Variants in SMG6 observed in about 807,000 individuals in gnomAD.
SMG6 encodes the protein SMG6 nonsense mediated mRNA decay factor, also known as telomerase-binding protein EST1A.
In SMG6, 66 loss-of-function variants were observed where a neutral mutation model predicts 142.2. The ratio of observed to expected loss-of-function variants is 0.46; its 90% CI spans 0.38 to 0.57. The LOEUF (loss-of-function observed/expected upper bound fraction) is 0.57. SMG6 is among the 20% of genes least tolerant of loss of function. The pLI is 0.00. For missense variants in SMG6, 1,793 were observed against 1,832.0 expected, an observed-to-expected ratio of 0.98 and a Z score of 0.39; for synonymous variants, 779 against 702.4, an observed-to-expected ratio of 1.11 and a Z score of -1.72.
At chr17:2,090,410 C>T (rs945510431) in intron 13 of SMG6, among the ~76,000 whole-genome samples, 4 of 152,006 alleles carry the variant, frequency 2.6e-5, no homozygotes, top group African/African-American at 9.7e-5. Context: ...CTCTGAGTTG[C>T]AAGACTTAAC....
rs1459476073 is a variant in SMG6, at chr17:2,300,264, C to T, written c.489G>A (p.Val163=). The T allele has an allele frequency of 1.2e-6, 2 of 1,614,042 alleles. No homozygotes were observed. The highest frequency in any genetic ancestry group is 2.2e-5 in the East Asian group (1 of 44,904). The change falls in exon 2 of 19, where the codon GTG becomes GTA. Residue 163 remains valine, a synonymous_variant. Coordinates refer to ENST00000263073, the MANE Select transcript of SMG6 (RefSeq NM_017575.5). Reference sequence around the variant, plus strand: ...CCTGGTTGAGGACTTCTTCCTCCTCCACCCGACTGGCGGATTCTTTGCTAA... The same window carrying T: ...CCTGGTTGAGGACTTCTTCCTCCTCTACCCGACTGGCGGATTCTTTGCTAA... ...QTVSKESASR[V]EEEEVLNQVE... is the part of the protein sequence containing the mutation.
chr17:2,166,726 TG>T (rs2071348851), intron 13 of SMG6, among the ~76,000 whole-genome samples: 1 of 152,246 alleles, frequency 6.6e-6, no homozygotes, highest in South Asian at 2.1e-4. Flanking sequence ...CCTAAAGTGC[TG>T]GGATGACAGG....
chr17:2,168,936 C>T (rs547322800), intron 13 of SMG6, among the ~76,000 whole-genome samples: 9 of 150,694 alleles, frequency 6.0e-5, no homozygotes, highest in Non-Finnish European at 1.0e-4. Flanking sequence ...TTAGTAGAGA[C>T]GGGGTTTCAC....
chr17:2,096,883 C>T (rs1021250796), intron 13 of SMG6, among the ~76,000 whole-genome samples: 2 of 152,216 alleles, frequency 1.3e-5, no homozygotes, highest in Non-Finnish European at 2.9e-5. Context: ...CCTCCAGCAA[C>T]TATGGACTAG....
chr17:2,177,778 T>C (rs1204802059), intron 12 of SMG6, among the ~76,000 whole-genome samples: 1 of 152,202 alleles, frequency 6.6e-6, no homozygotes, highest in East Asian at 1.9e-4. Context: ...ACAGCCAAGA[T>C]GGCACAGAAG....
At chr17:2,155,165 G>A (rs2151609684) in intron 13 of SMG6, among the ~76,000 whole-genome samples, 1 of 151,484 alleles carries the variant, frequency 6.6e-6, no homozygotes, top group Middle Eastern at 3.4e-3. Flanking sequence ...TGATTCTCCT[G>A]CCTTAGCACC....
intron 16 of SMG6, among the ~76,000 whole-genome samples, chr17:2,067,053 C>T (rs994605000): frequency 1.3e-5 from 2 of 152,184 alleles, no homozygotes; most frequent in African/African-American, 4.8e-5. Flanking sequence ...CCTCCTCTTA[C>T]AGCCTCTGGG....
At chr17:2,069,066 G>A (rs1365918011) in intron 15 of SMG6, 135 bp from the exon 16 acceptor site, 21 of 848,146 alleles carry the variant, frequency 2.5e-5, no homozygotes, top group Non-Finnish European at 3.1e-5. Flanking sequence ...ACCAGTCCCC[G>A]TCGGGTCTCA....
At chr17:2,064,360 G>A (rs894416656) in intron 18 of SMG6, among the ~76,000 whole-genome samples, 9 of 152,130 alleles carry the variant, frequency 5.9e-5, no homozygotes, top group Non-Finnish European at 1.2e-4. Flanking sequence ...GGCCAGCTCA[G>A]GGTTGAGGGT....
At chr17:2,078,224 G>A (rs934005932) in intron 15 of SMG6, among the ~76,000 whole-genome samples, 2 of 152,140 alleles carry the variant, frequency 1.3e-5, no homozygotes, top group African/African-American at 4.8e-5. Flanking sequence ...GCAACTACTT[G>A]ACCTAGAATA....
intron 6 of SMG6, among the ~76,000 whole-genome samples, chr17:2,287,874 G>A (rs1274779467): frequency 2.0e-5 from 3 of 152,184 alleles, no homozygotes; most frequent in Non-Finnish European, 4.4e-5. Context: ...AAAGCAGAAG[G>A]TTAGTTGCAG....
chr17:2,098,908 GGC>G (rs2068931882), intron 13 of SMG6, among the ~76,000 whole-genome samples: 1 of 152,186 alleles, frequency 6.6e-6, no homozygotes, highest in Admixed American at 6.5e-5. Flanking sequence ...TGGAATTACA[GGC>G]GTGAGCCACC....
Position 2,061,601 on chromosome 17 carries a change from C to A in SMG6, c.4151G>T (p.Arg1384Leu), listed in dbSNP as rs867472768. Residue 1384 changes from arginine (R) to leucine (L), a missense_variant, in exon 19 of 19, where the codon CGG becomes CTG. This residue lies in a region of SMG6 where 179 missense variants were observed against 212.6 expected (regional missense o/e 0.84). Coordinates refer to ENST00000263073, the MANE Select transcript of SMG6 (RefSeq NM_017575.5). ...ASKEEPIRLLREVVLLTDDRN... is the reference protein window; with the variant it reads ...ASKEEPIRLLLEVVLLTDDRN... ...GTCATCCGTCAACAGCACCACCTCC[C>A]GCAGTAGCCGGATTGGCTCCTCTGT... is the stretch of plus-strand genomic sequence containing the variant. 1 of 1,571,932 alleles carries A rather than the reference C, an allele frequency of 6.4e-7. No individual in the cohort carries two copies. The highest frequency in any genetic ancestry group is 2.4e-5 in the East Asian group (1 of 42,244).
intron 13 of SMG6, among the ~76,000 whole-genome samples, chr17:2,134,349 C>A (rs775234139): frequency 8.0e-5 from 10 of 125,740 alleles, no homozygotes; most frequent in Non-Finnish European, 1.4e-4. Context: ...ACCCAAGAGG[C>A]GAAGGTTGCA....
Position 2,299,396 on chromosome 17 carries a change from G to T in SMG6, c.1357C>A (p.Arg453Ser). Residue 453 changes from arginine (R) to serine (S), a missense_variant, in exon 2 of 19, where the codon CGC (arginine) becomes AGC (serine). Arg to Ser is a moderately radical substitution (Grantham distance 110). Coordinates refer to ENST00000263073, the MANE Select transcript of SMG6 (RefSeq NM_017575.5). This position sits in a 1 kb window ranked among gnomAD's most constrained non-coding sequence, Gnocchi z 4.3. ...SRSWGRGGTT[R>S]RLWDPNNPDQ... The stretch of plus-strand genomic sequence containing the variant: ...GGATTGTTTGGGTCCCACAATCGGC[G>T]TGTGGTGCCTCCACGGCCCCAACTC... 1 of 1,613,904 alleles carries T rather than the reference G, an allele frequency of 6.2e-7. No individual in the cohort carries two copies. Among genetic ancestry groups the T allele is most frequent in the Non-Finnish European group, 8.5e-7 (1 of 1,180,026 alleles).
chr17:2,181,537 G>A (rs72817578), intron 12 of SMG6, among the ~76,000 whole-genome samples: 28 of 152,358 alleles, frequency 1.8e-4, no homozygotes, highest in Non-Finnish European at 3.1e-4. Flanking sequence ...CTGGCTTCAC[G>A]AGAGAGTAAG....
chr17:2,069,117 CAG>C (rs1285819065), intron 15 of SMG6, among the ~76,000 whole-genome samples, 186 bp from the exon 16 acceptor site: 1 of 152,152 alleles, frequency 6.6e-6, no homozygotes, highest in East Asian at 1.9e-4. Context: ...GCAATAAAAA[CAG>C]AGCTCAAGGG....
intron 13 of SMG6, chr17:2,101,038 C>G (rs925626120): frequency 2.6e-5 from 4 of 152,178 alleles, no homozygotes; most frequent in Middle Eastern, 3.2e-3. Flanking sequence ...TCAAAGTGGT[C>G]ACAATTTTAC....
At chr17:2,097,582 C>A (rs2068890663) in intron 13 of SMG6, among the ~76,000 whole-genome samples, 1 of 152,176 alleles carries the variant, frequency 6.6e-6, no homozygotes, top group Non-Finnish European at 1.5e-5. Context: ...AATGTTTACA[C>A]CTTTTAAACC....
Sources: gnomAD v4.1 joint callset for allele counts (sites outside exome capture counted in the v4.1 genomes callset) on GRCh38, gnomAD v4.1.1 for gene constraint, gnomAD v4.1.1 regional missense constraint, Gnocchi (gnomAD v3.1) non-coding constraint, MANE v1.5 for transcripts, NCBI Gene and HGNC (gene_info 2026-07-23, HGNC 2026-07-21) for gene names.